Variants in PCDHA13 observed in about 807,000 individuals in gnomAD.
The protein encoded by PCDHA13 is protocadherin alpha 13.
PCDHA13 carries 54 observed loss-of-function variants against 64.8 expected under a neutral mutation model. That is an observed-to-expected ratio of 0.83 (90% CI 0.67 to 1.04). PCDHA13 has a LOEUF of 1.04. PCDHA13 is among the 50% of genes least tolerant of loss of function. The probability of loss-of-function intolerance (pLI) is 0.00; values close to 1 mark genes in which losing one functional copy is unlikely to be tolerated. For synonymous variants in PCDHA13, 587 were observed against 564.4 expected (o/e 1.04, Z -0.57); for missense variants, 1,248 against 1,254.3 (o/e 0.99, Z 0.08).
intron 3 of PCDHA13, among the ~76,000 whole-genome samples, chr5:140,990,648 A>G (rs2097404919): frequency 2.0e-5 from 3 of 152,220 alleles, no homozygotes; most frequent in Admixed American, 1.3e-4. Flanking sequence ...CTCAGCCAGT[A>G]TGAATGATTT....
At chr5:140,911,151 G>A (rs2075350899) in intron 1 of PCDHA13, among the ~76,000 whole-genome samples, 1 of 152,174 alleles carries the variant, frequency 6.6e-6, no homozygotes, top group South Asian at 2.1e-4. Context: ...TTTCTCCTCA[G>A]ACAAATGTGG....
chr5:140,967,279 T>C, intron 1 of PCDHA13: 1 of 1,613,002 alleles, frequency 6.2e-7, no homozygotes, highest in South Asian at 1.1e-5. Context: ...ACATAGAGAG[T>C]GCGCAGGACC....
At chr5:140,999,784 T>C (rs1176844844) in intron 3 of PCDHA13, among the ~76,000 whole-genome samples, 1 of 152,202 alleles carries the variant, frequency 6.6e-6, no homozygotes, top group African/African-American at 2.4e-5. Context: ...AACCTAGAAA[T>C]GGCAGAGTTA....
At chr5:140,933,663 C>G (rs1340033934) in intron 1 of PCDHA13, among the ~76,000 whole-genome samples, 4 of 152,128 alleles carry the variant, frequency 2.6e-5, no homozygotes, top group African/African-American at 7.2e-5. Context: ...GTCTCTCTCT[C>G]TGTCTCTCTC....
chr5:140,985,928 C>A (rs1001132600), intron 3 of PCDHA13, among the ~76,000 whole-genome samples: 2 of 151,534 alleles, frequency 1.3e-5, no homozygotes, highest in Non-Finnish European at 2.9e-5. Flanking sequence ...TTTAGTAGAG[C>A]CGGGGTTTCA....
At chr5:140,941,760 T>A (rs1343959883) in intron 1 of PCDHA13, among the ~76,000 whole-genome samples, 2 of 152,234 alleles carry the variant, frequency 1.3e-5, no homozygotes, top group Non-Finnish European at 1.5e-5. Flanking sequence ...TCAGTGCTTT[T>A]AAGATAATTG....
chr5:140,950,914 T>G (rs1198787949), intron 1 of PCDHA13, among the ~76,000 whole-genome samples: 1 of 152,044 alleles, frequency 6.6e-6, no homozygotes, highest in Non-Finnish European at 1.5e-5. Context: ...TTTATTTTAT[T>G]TCAGTTCTTT....
chr5:140,901,286 C>T (rs1681382612), intron 1 of PCDHA13, among the ~76,000 whole-genome samples: 1 of 151,988 alleles, frequency 6.6e-6, no homozygotes. Flanking sequence ...AAATTTTTGC[C>T]CAGACTGATG....
chr5:140,891,589 C>T (rs1459113596), intron 1 of PCDHA13, among the ~76,000 whole-genome samples: 1 of 152,166 alleles, frequency 6.6e-6, no homozygotes, highest in East Asian at 1.9e-4. Context: ...TCTTATTACT[C>T]TATCCCATCT....
chr5:140,926,884 A>G, intron 1 of PCDHA13: 7 of 1,542,402 alleles, frequency 4.5e-6, no homozygotes, highest in Non-Finnish European at 6.1e-6. Flanking sequence ...GTGGACGCCT[A>G]GAGGGAGGAT....
intron 3 of PCDHA13, among the ~76,000 whole-genome samples, chr5:141,008,523 C>A (rs2098380908): frequency 6.6e-6 from 1 of 152,182 alleles, no homozygotes; most frequent in Admixed American, 6.5e-5. Context: ...CAATCAGACT[C>A]TTGGGAATGT....
intron 1 of PCDHA13, among the ~76,000 whole-genome samples, chr5:140,899,732 T>C (rs1174883648): frequency 6.6e-6 from 1 of 152,222 alleles, no homozygotes; most frequent in Non-Finnish European, 1.5e-5. Context: ...TTTCTATTGA[T>C]TGGAATAGTT....
chr5:141,001,567 T>A (rs116015618), intron 3 of PCDHA13, among the ~76,000 whole-genome samples: 2 of 152,294 alleles, frequency 1.3e-5, no homozygotes, highest in African/African-American at 4.8e-5. Context: ...ACGATTCTCC[T>A]GTGTTTTGTG....
chr5:140,983,334 T>A (rs1314550664), intron 3 of PCDHA13, among the ~76,000 whole-genome samples: 1 of 152,234 alleles, frequency 6.6e-6, no homozygotes, highest in African/African-American at 2.4e-5. Context: ...GCCCTATCAC[T>A]AAAGCAGGGT....
intron 1 of PCDHA13, among the ~76,000 whole-genome samples, chr5:140,922,354 A>G (rs1208856231): frequency 6.6e-6 from 1 of 152,220 alleles, no homozygotes; most frequent in Non-Finnish European, 1.5e-5. Flanking sequence ...TTTCTAGAGT[A>G]GTGATTCTCA....
intron 3 of PCDHA13, among the ~76,000 whole-genome samples, chr5:141,000,339 A>ATC (rs1414297743): frequency 9.8e-6 from 1 of 102,338 alleles, no homozygotes; most frequent in Non-Finnish European, 2.1e-5. Context: ...GCAAGGCCCT[A>ATC]TCTCTCTCTC....
chr5:140,932,875 T>G (rs935730456), intron 1 of PCDHA13, among the ~76,000 whole-genome samples: 9 of 151,998 alleles, frequency 5.9e-5, no homozygotes, highest in African/African-American at 1.7e-4. Flanking sequence ...TTTGTTGTCT[T>G]CAATATTTTC....
chr5:141,003,540 T>A (rs2098129225), intron 3 of PCDHA13, among the ~76,000 whole-genome samples: 1 of 152,188 alleles, frequency 6.6e-6, no homozygotes, highest in Non-Finnish European at 1.5e-5. Flanking sequence ...CTTGAACTCC[T>A]GGCTTCAAGT....
intron 1 of PCDHA13, among the ~76,000 whole-genome samples, chr5:140,903,428 T>C (rs954463543): frequency 2.0e-5 from 3 of 152,210 alleles, no homozygotes; most frequent in Non-Finnish European, 4.4e-5. Flanking sequence ...CAGCACAATA[T>C]GTATCAGTGG....
Sources: gnomAD v4.1 joint callset for allele counts (sites outside exome capture counted in the v4.1 genomes callset) on GRCh38, gnomAD v4.1.1 for gene constraint, MANE v1.5 for transcripts, NCBI Gene and HGNC (gene_info 2026-07-23, HGNC 2026-07-21) for gene names.